WWOX: variants seen among roughly 807,000 people sequenced by gnomAD.
The protein encoded by WWOX is WW domain containing oxidoreductase.
In WWOX, 69 loss-of-function variants were observed where a neutral mutation model predicts 46.2. The ratio of observed to expected loss-of-function variants is 1.49; its 90% CI spans 1.23 to 1.82. The LOEUF is 1.82. WWOX is among the 40% of genes most tolerant of loss of function. The pLI is 0.00. For missense variants in WWOX, 919 were observed against 542.6 expected (o/e 1.69, Z -6.89); for synonymous variants, 359 against 202.6 (o/e 1.77, Z -6.56).
At chr16:78,308,223 A>G (rs1221466241) in intron 5 of WWOX, among the ~76,000 whole-genome samples, 1 of 152,206 alleles carries the variant, frequency 6.6e-6, no homozygotes, top group African/African-American at 2.4e-5. Context: ...GAGTCTGCAG[A>G]GGTGATTGCC....
chr16:78,329,752 T>G (rs1216360685), intron 5 of WWOX, among the ~76,000 whole-genome samples: 1 of 146,882 alleles, frequency 6.8e-6, no homozygotes, highest in Admixed American at 6.8e-5. Flanking sequence ...TTTTCTTTCT[T>G]TTTTTTTTTT....
At chr16:78,565,771 A>G (rs917998817) in intron 8 of WWOX, among the ~76,000 whole-genome samples, 3 of 150,498 alleles carry the variant, frequency 2.0e-5, no homozygotes, top group Non-Finnish European at 3.0e-5. Context: ...CCTCCAGGCT[A>G]TCCGCGGAAG....
intron 5 of WWOX, among the ~76,000 whole-genome samples, chr16:78,288,073 T>C (rs2079799023): frequency 6.6e-6 from 1 of 152,218 alleles, no homozygotes; most frequent in Non-Finnish European, 1.5e-5. Flanking sequence ...ATTTTTTAAC[T>C]GTGCAATTTA....
chr16:78,411,194 A>G (rs189696738), intron 6 of WWOX, among the ~76,000 whole-genome samples: 68 of 152,318 alleles, frequency 4.5e-4, no homozygotes, highest in African/African-American at 1.6e-3. Context: ...CAAAAGTATG[A>G]AAACCAGGAA....
At chr16:78,203,867 C>T (rs886638597) in intron 5 of WWOX, among the ~76,000 whole-genome samples, 3 of 152,196 alleles carry the variant, frequency 2.0e-5, no homozygotes, top group Admixed American at 1.3e-4. Context: ...AGGAGACCTT[C>T]CCTGGAAAGA....
intron 8 of WWOX, among the ~76,000 whole-genome samples, chr16:79,100,242 T>TACCCACC (rs1008435380): frequency 6.6e-6 from 1 of 152,166 alleles, no homozygotes; most frequent in Non-Finnish European, 1.5e-5. Context: ...AAAAAAAAGA[T>TACCCACC]ACCCACCAAA....
chr16:78,796,527 G>A (rs543821508), intron 8 of WWOX, among the ~76,000 whole-genome samples: 1 of 152,264 alleles, frequency 6.6e-6, no homozygotes, highest in African/African-American at 2.4e-5. Flanking sequence ...AATGTTTTCA[G>A]TGAACACATT....
At chr16:78,452,556 A>G (rs1481312598) in intron 8 of WWOX, among the ~76,000 whole-genome samples, 1 of 147,706 alleles carries the variant, frequency 6.8e-6, no homozygotes, top group African/African-American at 2.5e-5. Flanking sequence ...GCTCATTGCA[A>G]CCTCTGACTC....
intron 5 of WWOX, among the ~76,000 whole-genome samples, chr16:78,209,808 A>G (rs1168262639): frequency 1.3e-5 from 2 of 152,130 alleles, no homozygotes; most frequent in African/African-American, 2.4e-5. Context: ...AATAAGTGTA[A>G]TGGATCACAT....
rs1309981018 is a variant in WWOX at position 78,114,969 on chromosome 16, TG to T, written c.231-4del. 6.2e-7 allele frequency: 1 copy of T among 1,614,054 alleles called. No homozygotes were observed. The highest frequency in any genetic ancestry group is 1.3e-5 in the African/African-American group (1 of 74,910). On this transcript the variant is annotated splice_region_variant and splice_polypyrimidine_tract_variant and intron_variant, in intron 3 of 8. Transcript: ENST00000566780. ...GCTGTGGGTTCACTGCTTTCTCTTTTGGGCAGCCATATAAATAAAAGAACCA... is the reference window on the plus strand; with the variant it reads ...GCTGTGGGTTCACTGCTTTCTCTTTTGGCAGCCATATAAATAAAAGAACCA...
Position 79,143,033 on chromosome 16 carries a change from A to C in WWOX, c.1057-68575A>C, listed in dbSNP as rs373170396. 1.3e-3 allele frequency among the ~76,000 whole-genome samples: 194 copies of C among 152,072 alleles called. 1 individual carries two copies. The highest frequency in any genetic ancestry group is 4.3e-3 in the African/African-American group (179 of 41,522). On this transcript the variant is annotated intron_variant, in intron 8 of 8. Transcript: ENST00000566780. ...ATCTGTTTTTTAAATAGCATTTTGG[A>C]GATGACAGAAAAAAAAATAAAGGAA...
chr16:79,051,122 C>T (rs16949424), intron 8 of WWOX, among the ~76,000 whole-genome samples: 4,203 of 152,246 alleles, frequency 0.028, 197 homozygotes, highest in African/African-American at 0.096. Flanking sequence ...AGCCCTACTC[C>T]TCGGGTTGTT....
intron 8 of WWOX, among the ~76,000 whole-genome samples, chr16:78,520,971 G>C (rs77377773): frequency 0.014 from 2,091 of 152,288 alleles, 10 homozygotes; most frequent in African/African-American, 0.02. Flanking sequence ...CTGGTCACCA[G>C]GGCGAGCAGT....
intron 3 of WWOX, among the ~76,000 whole-genome samples, chr16:78,110,296 C>T (rs534862053): frequency 9.6e-5 from 14 of 145,912 alleles, no homozygotes; most frequent in Admixed American, 4.2e-4. Context: ...GCTGAGATCG[C>T]GCCACTGCAC....
At chr16:78,765,373 C>G (rs938909188) in intron 8 of WWOX, among the ~76,000 whole-genome samples, 19 of 152,300 alleles carry the variant, frequency 1.2e-4, no homozygotes, top group Non-Finnish European at 2.5e-4. Context: ...GTGAGAGGCC[C>G]TGAAATTTCC....
intron 8 of WWOX, among the ~76,000 whole-genome samples, chr16:78,981,203 G>C (rs187093870): frequency 6.6e-6 from 1 of 152,260 alleles, no homozygotes; most frequent in Admixed American, 6.5e-5. Context: ...TCCTGGCTGT[G>C]TTAGCATCAG....
At chr16:78,691,657 G>C (rs1311845330) in intron 8 of WWOX, among the ~76,000 whole-genome samples, 1 of 152,168 alleles carries the variant, frequency 6.6e-6, no homozygotes, top group South Asian at 2.1e-4. Flanking sequence ...GCAGTGAGCC[G>C]TGTTGCTGCC....
chr16:78,871,171 TTG>T (rs2044120094), intron 8 of WWOX, among the ~76,000 whole-genome samples: 1 of 141,746 alleles, frequency 7.1e-6, no homozygotes. Flanking sequence ...TTCGTGAAGG[TTG>T]TTTTTTTTTT....
intron 8 of WWOX, among the ~76,000 whole-genome samples, chr16:78,578,808 T>G (rs762326186): frequency 7.2e-5 from 11 of 152,326 alleles, no homozygotes; most frequent in East Asian, 1.9e-4. Context: ...CTTCCAGAAT[T>G]GCATCCCTGA....
Sources: allele counts gnomAD v4.1 joint callset (sites outside exome capture counted in the v4.1 genomes callset), GRCh38; gene constraint gnomAD v4.1.1; transcripts MANE v1.5; gene names NCBI Gene and HGNC (gene_info 2026-07-23, HGNC 2026-07-21).